Variants in STXBP5L observed in about 807,000 individuals in gnomAD.
STXBP5L encodes syntaxin binding protein 5L.
STXBP5L carries 65 observed loss-of-function variants against 144.5 expected under a neutral mutation model. The observed-to-expected ratio is 0.45, with a 90% confidence interval of 0.37 to 0.55. The LOEUF (loss-of-function observed/expected upper bound fraction) is 0.55, where lower values mean the gene tolerates loss of function less well. Among genes scored for constraint, STXBP5L ranks in the 20% least tolerant of loss-of-function variants. STXBP5L has a pLI of 0.00. For synonymous variants in STXBP5L, 505 were observed against 469.6 expected, an observed-to-expected ratio of 1.08 and a Z score of -0.97; for missense variants, 1,298 against 1,405.5, an observed-to-expected ratio of 0.92 and a Z score of 1.22.
chr3:121,266,625 A>G (rs1470467691), intron 18 of STXBP5L, among the ~76,000 whole-genome samples: 2 of 152,216 alleles, frequency 1.3e-5, no homozygotes, highest in Non-Finnish European at 2.9e-5. Flanking sequence ...AGTTCTGGCC[A>G]GGGCAATCAG....
chr3:121,211,694 C>T (rs1304015782), intron 10 of STXBP5L, among the ~76,000 whole-genome samples: 1 of 151,424 alleles, frequency 6.6e-6, no homozygotes, highest in Non-Finnish European at 1.5e-5. Context: ...TTCTCCTGCC[C>T]CAGCGTCCTG....
intron 3 of STXBP5L, among the ~76,000 whole-genome samples, chr3:121,028,054 TTTC>T (rs1460891605): frequency 1.3e-5 from 2 of 152,142 alleles, no homozygotes; most frequent in African/African-American, 2.4e-5. Context: ...GTCAGTTAAA[TTTC>T]TTCAGAAATC....
chr3:121,073,881 A>G (rs1474106864), intron 5 of STXBP5L, among the ~76,000 whole-genome samples: 1 of 152,028 alleles, frequency 6.6e-6, no homozygotes, highest in Admixed American at 6.5e-5. Context: ...GTCCAAGCTC[A>G]TGCTGCCCCT....
At chr3:121,114,044 A>G (rs2044128178) in intron 5 of STXBP5L, among the ~76,000 whole-genome samples, 1 of 152,022 alleles carries the variant, frequency 6.6e-6, no homozygotes, top group African/African-American at 2.4e-5. Context: ...TTTTTGAAAA[A>G]TTTATTGGTC....
intron 7 of STXBP5L, among the ~76,000 whole-genome samples, chr3:121,124,194 G>T (rs1249600375): frequency 6.6e-6 from 1 of 151,758 alleles, no homozygotes; most frequent in East Asian, 1.9e-4. Flanking sequence ...ATCTACTATT[G>T]TACTAATGAC....
At chr3:121,093,431 T>G (rs1202948833) in intron 5 of STXBP5L, among the ~76,000 whole-genome samples, 1 of 152,220 alleles carries the variant, frequency 6.6e-6, no homozygotes, top group Non-Finnish European at 1.5e-5. Flanking sequence ...AAGCTATTGA[T>G]TATTGCCACA....
At chr3:121,094,180 C>G (rs2042986652) in intron 5 of STXBP5L, among the ~76,000 whole-genome samples, 1 of 152,058 alleles carries the variant, frequency 6.6e-6, no homozygotes, top group South Asian at 2.1e-4. Flanking sequence ...CTGAGGAGAG[C>G]TTTACTTCCA....
At chr3:121,273,430 C>A (rs2050787436) in intron 18 of STXBP5L, among the ~76,000 whole-genome samples, 2 of 151,806 alleles carry the variant, frequency 1.3e-5, no homozygotes, top group South Asian at 4.2e-4. Flanking sequence ...TCTCTTACTG[C>A]TTTCAATTTT....
In STXBP5L at chr3:121,130,225, T is replaced by C. The variant is rs184700080; in HGVS notation, c.669+8521T>C. Among the ~76,000 whole-genome samples, 45 of 152,186 alleles carry C rather than the reference T, an allele frequency of 3.0e-4. 1 individual carries two copies. The East Asian group carries it at 8.3e-3, about 28-fold the overall frequency. On this transcript the variant is annotated intron_variant, in intron 7 of 26. Coordinates refer to ENST00000471454, the MANE Select transcript of STXBP5L (RefSeq NM_001308330.2). ...GATAAAATGTTCTATTGGAAAGCCC[T>C]CTAGAGGAGTCATAGCAGTTACTAT...
At chr3:121,401,663 A>G (rs546633477) in intron 22 of STXBP5L, among the ~76,000 whole-genome samples, 73 of 118,142 alleles carry the variant, frequency 6.2e-4, no homozygotes, top group African/African-American at 2.3e-3. Context: ...CAAACACCGC[A>G]TATTCTCACT....
intron 3 of STXBP5L, among the ~76,000 whole-genome samples, chr3:121,005,530 G>GT (rs1300091329): frequency 7.9e-5 from 12 of 152,018 alleles, no homozygotes; most frequent in Admixed American, 6.6e-5. Context: ...GTTTTGAAGG[G>GT]TTTTTTGTGT....
intron 21 of STXBP5L, among the ~76,000 whole-genome samples, chr3:121,379,603 G>C (rs570540912): frequency 9.9e-5 from 15 of 152,050 alleles, no homozygotes; most frequent in African/African-American, 2.9e-4. Flanking sequence ...ATCTATATTG[G>C]TCTTCAAATT....
intron 3 of STXBP5L, among the ~76,000 whole-genome samples, chr3:121,008,060 C>T (rs1471834330): frequency 6.6e-6 from 1 of 151,824 alleles, no homozygotes; most frequent in African/African-American, 2.4e-5. Context: ...TACTCTCATC[C>T]AGCACTTCTG....
intron 3 of STXBP5L, among the ~76,000 whole-genome samples, chr3:120,955,708 G>A (rs1019238860): frequency 6.6e-6 from 1 of 151,878 alleles, no homozygotes; most frequent in African/African-American, 2.4e-5. Context: ...TCACAACCAG[G>A]ATATTGACAT....
At chr3:121,377,887 A>C (rs773362772) in intron 20 of STXBP5L, among the ~76,000 whole-genome samples, 1 of 152,230 alleles carries the variant, frequency 6.6e-6, no homozygotes, top group Non-Finnish European at 1.5e-5. Context: ...TTATTGAAGC[A>C]CTATTTACAA....
At chr3:121,280,904 C>T (rs908547910) in intron 19 of STXBP5L, among the ~76,000 whole-genome samples, 1 of 149,076 alleles carries the variant, frequency 6.7e-6, no homozygotes, top group Admixed American at 6.7e-5. Flanking sequence ...AGTGTGACCC[C>T]ATCTCTAATA....
intron 3 of STXBP5L, among the ~76,000 whole-genome samples, chr3:121,029,924 A>G (rs1946243441): frequency 6.6e-6 from 1 of 152,178 alleles, no homozygotes; most frequent in African/African-American, 2.4e-5. Context: ...TACATATGAA[A>G]AAAAGCTCAT....
chr3:121,008,791 G>T (rs905631690), intron 3 of STXBP5L, among the ~76,000 whole-genome samples: 1 of 152,004 alleles, frequency 6.6e-6, no homozygotes, highest in East Asian at 1.9e-4. Context: ...TATGGAATTT[G>T]TTGAGGCTAA....
intron 5 of STXBP5L, among the ~76,000 whole-genome samples, chr3:121,085,460 A>T (rs2042442983): frequency 6.6e-6 from 1 of 152,226 alleles, no homozygotes; most frequent in South Asian, 2.1e-4. Flanking sequence ...CTGATAAGCA[A>T]CTTCAGCAAA....
Sources: allele counts gnomAD v4.1 joint callset (sites outside exome capture counted in the v4.1 genomes callset), GRCh38; gene constraint gnomAD v4.1.1; transcripts MANE v1.5; gene names NCBI Gene and HGNC (gene_info 2026-07-23, HGNC 2026-07-21).